RHBDF2: variants seen among roughly 807,000 people sequenced by gnomAD.
RHBDF2 encodes the protein inactive rhomboid protein 2.
A neutral mutation model predicts 95.2 loss-of-function variants in RHBDF2; 38 were observed. The observed-to-expected ratio is 0.40, with a 90% confidence interval of 0.31 to 0.52. The LOEUF is 0.52. Among genes scored for constraint, RHBDF2 ranks in the 20% least tolerant of loss-of-function variants. RHBDF2 has a pLI of 0.56. For missense variants in RHBDF2, 863 were observed against 1,137.7 expected, an observed-to-expected ratio of 0.76 and a Z score of 3.47; for synonymous variants, 442 against 462.0, an observed-to-expected ratio of 0.96 and a Z score of 0.55.
chr17:76,474,187 AC>A, intron 12 of RHBDF2, 45 bp from the exon 13 acceptor site: 2 of 1,432,706 alleles, frequency 1.4e-6, no homozygotes, highest in South Asian at 1.3e-5. Context: ...GGGCCAGGTC[AC>A]CCCCACTGGA....
At chr17:76,487,131 T>C (rs2074157553) in intron 2 of RHBDF2, among the ~76,000 whole-genome samples, 2 of 151,786 alleles carry the variant, frequency 1.3e-5, no homozygotes, top group Admixed American at 6.6e-5. Context: ...GCTAATTTTG[T>C]ATTTTTTAGT....
At chr17:76,477,354 C>A (rs186302863) in intron 7 of RHBDF2, 56 bp from the exon 8 acceptor site, 2 of 1,571,340 alleles carry the variant, frequency 1.3e-6, no homozygotes, top group Non-Finnish European at 1.7e-6. Flanking sequence ...ACACTGCCCC[C>A]CGGAACCTCA....
chr17:76,472,664 G>A (rs1191557126), intron 18 of RHBDF2, 22 bp downstream of exon 18: 4 of 1,613,744 alleles, frequency 2.5e-6, no homozygotes, highest in Non-Finnish European at 3.4e-6. Context: ...TGCGGAAGGG[G>A]TCCCATCCTC....
rs1449019103 is a variant in RHBDF2, at chr17:76,477,170, C to T, written c.920+10G>A. 1.2e-6 allele frequency: 2 copies of T among 1,611,620 alleles called. No homozygotes were observed. The highest frequency in any genetic ancestry group is 1.7e-6 in the Non-Finnish European group (2 of 1,179,260). The stretch of plus-strand genomic sequence containing the variant: ...CTGGCCTGGAGGAGGGACTCTGCCC[C>T]AGCACTCACAGAGGGATTTGCACCC... On this transcript the variant is annotated intron_variant, in intron 8 of 18. Coordinates refer to ENST00000675367, the MANE Select transcript of RHBDF2 (RefSeq NM_001005498.4).
At chr17:76,494,817 G>A (rs891776646) in intron 1 of RHBDF2, among the ~76,000 whole-genome samples, 4 of 152,166 alleles carry the variant, frequency 2.6e-5, no homozygotes, top group East Asian at 3.8e-4. Flanking sequence ...GCAGCTGGGC[G>A]GGGATGCAGG....
chr17:76,478,941 C>T lies in RHBDF2; in HGVS notation c.537G>A (p.Pro179=). ...GGACTCCGGGGGTCAGCGGTGGGTG[C>T]GGGGCGTGGGGCCTGTCCATCTCCT... ...HPEEMDRPHA[P]HPPLTPGVLS... The change falls in exon 6 of 19, where the codon CCG becomes CCA. Residue 179 remains proline, a synonymous_variant. Coordinates refer to ENST00000675367, the MANE Select transcript of RHBDF2 (RefSeq NM_001005498.4). 3 of 1,599,926 alleles carry T rather than the reference C, an allele frequency of 1.9e-6. No individual in the cohort carries two copies. The highest frequency in any genetic ancestry group is 2.2e-5 in the South Asian group (2 of 88,920).
Position 76,471,568 on chromosome 17 carries a change from G to A in RHBDF2, c.*65C>T. On this transcript the variant is annotated 3_prime_UTR_variant, in exon 19 of 19. Coordinates refer to ENST00000675367, the MANE Select transcript of RHBDF2 (RefSeq NM_001005498.4). ...TCTGGCACACAGAGAGCGCTCTGCA[G>A]AGGGCAGCCCTCGCAGGCAGACCCT... 3 of 1,472,172 alleles carry A rather than the reference G, an allele frequency of 2.0e-6. No homozygotes were observed. Among genetic ancestry groups the A allele is most frequent in the Non-Finnish European group, 2.7e-6 (3 of 1,101,498 alleles). 91.2% of individuals were successfully genotyped at this position (1,472,172 alleles called of 1,614,324 possible).
At chr17:76,473,791 TC>T in intron 14 of RHBDF2, 47 bp downstream of exon 14, 2 of 1,611,822 alleles carry the variant, frequency 1.2e-6, no homozygotes, top group Non-Finnish European at 1.7e-6. Context: ...AGCAGGCAGG[TC>T]CCCCATCCCT....
At chr17:76,474,196 G>T (rs2073687228) in intron 12 of RHBDF2, 54 bp from the exon 13 acceptor site, 12 of 1,391,586 alleles carry the variant, frequency 8.6e-6, no homozygotes, top group Non-Finnish European at 1.2e-5. Flanking sequence ...CACCCCCACT[G>T]GAGTGGGCAA....
In RHBDF2 at chr17:76,473,854, G is replaced by A; in HGVS notation, c.1623C>T (p.Asp541=). 6.2e-7 allele frequency: 1 copy of A among 1,614,102 alleles called. No individual in the cohort carries two copies. Among genetic ancestry groups the A allele is most frequent in the Non-Finnish European group, 8.5e-7 (1 of 1,180,004 alleles). The change falls in exon 14 of 19, where the codon GAC becomes GAT. Residue 541 remains aspartate, a synonymous_variant. Coordinates refer to ENST00000675367, the MANE Select transcript of RHBDF2 (RefSeq NM_001005498.4). ...GGACACTCACCGGCCACTTAGTGAT[G>A]TCATCGGGCCAGATGTGGGCACCGC... is the stretch of plus-strand genomic sequence containing the variant. ...ASSGAHIWPD[D]ITKWPICTEQ... is the part of the protein sequence containing the mutation.
intron 12 of RHBDF2, 35 bp downstream of exon 12, chr17:76,474,338 G>A (rs771785076): frequency 4.4e-6 from 7 of 1,599,970 alleles, no homozygotes; most frequent in Non-Finnish European, 6.0e-6. Flanking sequence ...CGGGACCAGG[G>A]TCTGGCAGGG....
chr17:76,487,348 G>C (rs528758856), intron 2 of RHBDF2: 2 of 149,124 alleles, frequency 1.3e-5, no homozygotes, highest in Admixed American at 1.3e-4. Context: ...TCCCAGGTTC[G>C]AGCGATTCTC....
chr17:76,492,196 G>A (rs985625765), intron 1 of RHBDF2, among the ~76,000 whole-genome samples: 1 of 152,200 alleles, frequency 6.6e-6, no homozygotes, highest in Non-Finnish European at 1.5e-5. Flanking sequence ...CTCCTTTAGG[G>A]TGGGGCGGGG....
chr17:76,491,493 G>A (rs1361179170), intron 1 of RHBDF2, among the ~76,000 whole-genome samples: 8 of 152,158 alleles, frequency 5.3e-5, no homozygotes, highest in Non-Finnish European at 5.9e-5. Context: ...GCCAGGGCGG[G>A]TGGGCATGTC....
chr17:76,487,563 T>G (rs2074174458), intron 2 of RHBDF2, 149 bp downstream of exon 2: 1 of 152,442 alleles, frequency 6.6e-6, no homozygotes, highest in Admixed American at 6.5e-5. Context: ...TCCCTGCCCT[T>G]ATTCCTCCCT....
rs1480120982 is a variant in RHBDF2 at position 76,474,992 on chromosome 17, A to T, written c.1227+38T>A. ...CCACGACACTGAGGCCTCCTAGGAG[A>T]GGCTGGGACCCCCAGCATGGAGCCT... On this transcript the variant is annotated intron_variant, in intron 10 of 18. Coordinates refer to ENST00000675367, the MANE Select transcript of RHBDF2 (RefSeq NM_001005498.4). The T allele has an allele frequency of 2.6e-6, 4 of 1,522,760 alleles. No homozygotes were observed. The South Asian group carries it at 4.7e-5, about 18-fold the overall frequency. 94.3% of individuals were successfully genotyped at this position (1,522,760 alleles called of 1,614,324 possible). A position where few individuals can be genotyped will look rare whatever the true frequency, so the allele number is the denominator to read the frequency against.
intron 7 of RHBDF2, 49 bp downstream of exon 7, chr17:76,477,608 C>A (rs2073814975): frequency 6.3e-7 from 1 of 1,596,164 alleles, no homozygotes; most frequent in Non-Finnish European, 8.6e-7. Flanking sequence ...CCTCACCCAG[C>A]TCCCAGGCCA....
At position 76,472,789 on chromosome 17, in the gene RHBDF2, T is replaced by A. The variant is rs755204628; in HGVS notation, c.1961A>T (p.Asp654Val). Residue 654 changes from aspartate (D) to valine (V), a missense_variant, in exon 18 of 19, where the codon GAC becomes GTC. Asp to Val is a radical substitution (Grantham distance 152). Around this residue, in one of 2 missense-constraint regions of RHBDF2, gnomAD observed 252 missense variants for 412.2 expected, o/e 0.61. Transcript: ENST00000675367. ...SVVFQMTILRDLEKLAGWHRI... is the reference protein window; with the variant it reads ...SVVFQMTILRVLEKLAGWHRI... ...GTGCCAGCCGGCCAGCTTCTCCAGG[T>A]CCCTCAGGATGGTCATTTGAAAGAC... is the stretch of plus-strand genomic sequence containing the variant. 1 of 1,608,652 alleles carries A rather than the reference T, an allele frequency of 6.2e-7. No individual in the cohort carries two copies. The highest frequency in any genetic ancestry group is 1.1e-5 in the South Asian group (1 of 90,158).
Position 76,474,148 on chromosome 17 carries a change from G to A in RHBDF2, c.1465-6C>T. The A allele has an allele frequency of 6.4e-7, 1 of 1,565,622 alleles. No homozygotes were observed. Among genetic ancestry groups the A allele is most frequent in the Non-Finnish European group, 8.6e-7 (1 of 1,157,880 alleles). On this transcript the variant is annotated splice_region_variant and splice_polypyrimidine_tract_variant and intron_variant, in intron 12 of 18. Coordinates refer to ENST00000675367, the MANE Select transcript of RHBDF2 (RefSeq NM_001005498.4). ...ACAAAAGTGGCCAAAGTCTCCTGGA[G>A]GGCAGAAGAAGGCTGGTGGGTCATG...
Sources: allele counts gnomAD v4.1 joint callset (sites outside exome capture counted in the v4.1 genomes callset), GRCh38; gene constraint gnomAD v4.1.1; regional missense constraint gnomAD v4.1.1; transcripts MANE v1.5; gene names NCBI Gene and HGNC (gene_info 2026-07-23, HGNC 2026-07-21).